Variants in BCAR3 observed in about 807,000 individuals in gnomAD.
The protein encoded by BCAR3 is BCAR3 adaptor protein, NSP family member.
BCAR3 carries 37 observed loss-of-function variants against 80.1 expected under a neutral mutation model. The observed-to-expected ratio is 0.46, with a 90% CI of 0.36 to 0.61. BCAR3 has a LOEUF of 0.61. Ranked by LOEUF, BCAR3 falls within the 20% of genes least tolerant of loss-of-function variation. BCAR3 has a pLI of 0.00. For synonymous variants in BCAR3, 389 were observed against 418.9 expected (o/e 0.93, Z 0.87); for missense variants, 978 against 1,068.2 (o/e 0.92, Z 1.18).
At chr1:93,688,554 T>C (rs1039210125) in intron 3 of BCAR3, among the ~76,000 whole-genome samples, 9 of 152,124 alleles carry the variant, frequency 5.9e-5, no homozygotes, top group Non-Finnish European at 1.0e-4. Flanking sequence ...AGTAAGCGTG[T>C]GTGTGTCTGT....
chr1:93,797,849 C>T (rs1353757054), intron 2 of BCAR3, among the ~76,000 whole-genome samples: 3 of 152,180 alleles, frequency 2.0e-5, no homozygotes, highest in Non-Finnish European at 4.4e-5. Flanking sequence ...CATTTTCCTA[C>T]TGTCTCAAGG....
chr1:93,684,724 T>TTTTTTGC (rs57471631), upstream of BCAR3, among the ~76,000 whole-genome samples: 41,360 of 150,538 alleles, frequency 0.27, 8,050 homozygotes, highest in African/African-American at 0.56. Context: ...GAATCAGGTG[T>TTTTTTGC]TTTTTGTTTT....
chr1:93,795,165 T>C (rs2100779459), intron 2 of BCAR3, among the ~76,000 whole-genome samples: 1 of 87,772 alleles, frequency 1.1e-5, no homozygotes, highest in Admixed American at 1.3e-4. Flanking sequence ...AGTACCTTTG[T>C]GGCGTTCTCT....
intron 3 of BCAR3, among the ~76,000 whole-genome samples, chr1:93,699,214 C>T (rs926229606): frequency 1.7e-4 from 26 of 152,092 alleles, no homozygotes; most frequent in African/African-American, 6.3e-4. Flanking sequence ...GAATTCTCCC[C>T]TCTGTCTGGC....
In BCAR3 at chr1:93,571,765, G is replaced by A; in HGVS notation, c.1879C>T (p.Leu627=). 1.9e-6 allele frequency: 3 copies of A among 1,614,150 alleles called. No homozygotes were observed. ...ACCGCCACCTGGATGATCTTACTCA[G>A]AGTGGCCGCTCGGTCCTCCAAAGTG... ...TGTLEDRAAT[L]SKIIQVAVEL... The change falls in exon 9 of 12, where the codon CTG becomes TTG. Residue 627 remains leucine (L), a synonymous_variant. Coordinates refer to ENST00000260502, the MANE Select transcript of BCAR3 (RefSeq NM_003567.4).
At chr1:93,830,492 C>T (rs1654521508) in intron 2 of BCAR3, among the ~76,000 whole-genome samples, 3 of 152,156 alleles carry the variant, frequency 2.0e-5, no homozygotes. Flanking sequence ...GAGCGATTAA[C>T]CTTGTGAAAT....
intron 3 of BCAR3, among the ~76,000 whole-genome samples, chr1:93,596,524 C>T (rs149538442): frequency 6.6e-6 from 1 of 152,312 alleles, no homozygotes; most frequent in Non-Finnish European, 1.5e-5. Context: ...ATGAGTAACA[C>T]GGCTGTGCTC....
At chr1:93,633,007 G>A (rs746388094) in intron 3 of BCAR3, among the ~76,000 whole-genome samples, 1 of 151,544 alleles carries the variant, frequency 6.6e-6, no homozygotes, top group Non-Finnish European at 1.5e-5. Flanking sequence ...CAACAAGAGC[G>A]AAACTCCACA....
chr1:93,613,790 G>A (rs1173929366), intron 3 of BCAR3: 3 of 1,531,480 alleles, frequency 2.0e-6, no homozygotes, highest in Non-Finnish European at 2.6e-6. Flanking sequence ...GGAAACTCAT[G>A]CTTTCAGGGT....
At chr1:93,701,692 C>T (rs891339782) in intron 3 of BCAR3, among the ~76,000 whole-genome samples, 5 of 152,202 alleles carry the variant, frequency 3.3e-5, no homozygotes, top group African/African-American at 4.8e-5. Flanking sequence ...GCCTGCTTCC[C>T]AGGCCTGCCC....
intron 3 of BCAR3, among the ~76,000 whole-genome samples, chr1:93,623,577 A>T (rs376771606): frequency 1.3e-4 from 20 of 152,204 alleles, no homozygotes; most frequent in African/African-American, 4.3e-4. Context: ...TGCATAAAGA[A>T]GCTGATGGAA....
At chr1:93,675,925 C>CAAA (rs58706715) in intron 1 of BCAR3, among the ~76,000 whole-genome samples, 24 of 51,402 alleles carry the variant, frequency 4.7e-4, no homozygotes, top group African/African-American at 7.3e-4. Context: ...AAATAGGAGA[C>CAAA]AAAAAAAAAA....
At chr1:93,614,085 C>T in intron 3 of BCAR3, 1 of 1,425,754 alleles carries the variant, frequency 7.0e-7, no homozygotes, top group Non-Finnish European at 9.1e-7. Flanking sequence ...GGCTCCTTCT[C>T]CCAGGCTAGT....
intron 2 of BCAR3, among the ~76,000 whole-genome samples, chr1:93,739,683 G>T (rs1000226029): frequency 2.0e-5 from 3 of 152,122 alleles, no homozygotes; most frequent in Non-Finnish European, 2.9e-5. Context: ...TACCAATTAC[G>T]TACTCAGCCC....
At chr1:93,630,034 C>T (rs1357204921) in intron 3 of BCAR3, among the ~76,000 whole-genome samples, 1 of 152,124 alleles carries the variant, frequency 6.6e-6, no homozygotes. Context: ...ACCTCATTCC[C>T]CCTTCCCTAA....
intron 2 of BCAR3, among the ~76,000 whole-genome samples, chr1:93,644,100 T>A (rs1408751279): frequency 6.6e-6 from 1 of 152,212 alleles, no homozygotes; most frequent in Non-Finnish European, 1.5e-5. Context: ...CCCCAAAACA[T>A]GTTTCTTTGC....
At chr1:93,622,813 C>A (rs1675354220) in intron 3 of BCAR3, among the ~76,000 whole-genome samples, 1 of 152,136 alleles carries the variant, frequency 6.6e-6, no homozygotes, top group Non-Finnish European at 1.5e-5. Context: ...CTTCCTGGTG[C>A]CAAGGTGGGG....
At chr1:93,594,609 T>G (rs1412707633) in intron 3 of BCAR3, 1 of 152,304 alleles carries the variant, frequency 6.6e-6, no homozygotes, top group Non-Finnish European at 1.5e-5. Context: ...GGTGTTCCCG[T>G]CACTGGCAGC....
intron 2 of BCAR3, among the ~76,000 whole-genome samples, chr1:93,767,580 C>T (rs1170099898): frequency 6.6e-6 from 1 of 151,062 alleles, no homozygotes; most frequent in Non-Finnish European, 1.5e-5. Context: ...AAATGTATTA[C>T]ACCTTTTGAA....
Sources: allele counts gnomAD v4.1 joint callset (sites outside exome capture counted in the v4.1 genomes callset), GRCh38; gene constraint gnomAD v4.1.1; transcripts MANE v1.5; gene names NCBI Gene and HGNC (gene_info 2026-07-23, HGNC 2026-07-21).